The following EIF3B variants were observed in gnomAD, a reference collection of about 807,000 sequenced individuals.
EIF3B encodes the protein eukaryotic translation initiation factor 3 subunit 9.
A neutral mutation model predicts 104.6 loss-of-function variants in EIF3B; 10 were observed. That is an observed-to-expected ratio of 0.10 (90% confidence interval 0.06 to 0.16). The LOEUF is 0.16. Ranked by LOEUF, EIF3B falls within the 10% of genes least tolerant of loss-of-function variation. The pLI is 1.00. For synonymous variants in EIF3B, 542 were observed against 417.2 expected (o/e 1.30, Z -3.65); for missense variants, 1,014 against 1,087.9 (o/e 0.93, Z 0.96).
chr7:2,358,470 GAATA>G (rs1178904985), intron 1 of EIF3B, among the ~76,000 whole-genome samples: 4 of 151,310 alleles, frequency 2.6e-5, no homozygotes, highest in Admixed American at 1.3e-4. Context: ...CAACTTTTGA[GAATA>G]AATACAGTAA....
intron 15 of EIF3B, chr7:2,378,315 T>TC (rs1780781169): frequency 4.4e-6 from 1 of 229,302 alleles, no homozygotes; most frequent in Non-Finnish European, 7.9e-6. Context: ...CAGGCGAGCG[T>TC]TCCTGGGATG....
intron 1 of EIF3B, among the ~76,000 whole-genome samples, chr7:2,358,600 C>T (rs565421744): frequency 6.6e-6 from 1 of 152,286 alleles, no homozygotes; most frequent in South Asian, 2.1e-4. Flanking sequence ...GATCTTGGCT[C>T]ACTGCAACCT....
chr7:2,359,497 C>T (rs1779623243), intron 1 of EIF3B, among the ~76,000 whole-genome samples: 1 of 152,190 alleles, frequency 6.6e-6, no homozygotes, highest in Admixed American at 6.5e-5. Flanking sequence ...AGGGTGGTGG[C>T]CTGGAGAGCA....
rs1021029394 is a variant in EIF3B, at chr7:2,355,220, C to G, written c.299C>G (p.Pro100Arg). 8.0e-6 allele frequency: 12 copies of G among 1,496,310 alleles called. No homozygotes were observed. The African/African-American group carries it at 1.5e-4, about 18-fold the overall frequency. The allele number at this position is 1,496,310 out of a possible 1,614,324, so 92.7% of individuals were successfully genotyped here. ...CTGCCCGGGTCGCATGCTGAGCCCC[C>G]TGTCCCGGCACAGGGCGAGGCCCCA... ...EELPGSHAEP[P>R]VPAQGEAPGE... Residue 100 changes from proline (P) to arginine (R), a missense_variant, in exon 1 of 19, where the codon CCT (proline) becomes CGT (arginine). Physicochemically the swap from Pro to Arg is moderately radical, Grantham distance 103 (BLOSUM62 -2). Coordinates refer to ENST00000360876, the MANE Select transcript of EIF3B (RefSeq NM_001037283.2).
At chr7:2,360,042 C>G (rs1205587998) in intron 1 of EIF3B, among the ~76,000 whole-genome samples, 1 of 152,086 alleles carries the variant, frequency 6.6e-6, no homozygotes, top group African/African-American at 2.4e-5. Flanking sequence ...GGAAGCTCAC[C>G]CCAGACGCGC....
intron 11 of EIF3B, chr7:2,372,335 A>G (rs977220092): frequency 3.8e-6 from 1 of 264,658 alleles, no homozygotes; most frequent in Non-Finnish European, 7.2e-6. Context: ...AGGCAGGGAG[A>G]CCGGAGGTCA....
chr7:2,379,987 T>G (rs1780909526), intron 18 of EIF3B: 1 of 259,068 alleles, frequency 3.9e-6, no homozygotes, highest in Non-Finnish European at 7.7e-6. Flanking sequence ...CATGGGCACA[T>G]GTGGGACAGA....
chr7:2,364,276 T>A (rs116940910), intron 5 of EIF3B, 96 bp from the exon 6 acceptor site: 43,778 of 1,234,690 alleles, frequency 0.035, 1,125 homozygotes, highest in South Asian at 0.058. Context: ...AAAAAAAGTT[T>A]GTAGAACAGA....
chr7:2,378,542 T>C (rs1379372945), intron 15 of EIF3B, 147 bp from the exon 16 acceptor site: 6 of 631,958 alleles, frequency 9.5e-6, no homozygotes, highest in African/African-American at 9.3e-5. Context: ...ACCCTGGGTG[T>C]CATGGAGAAA....
At chr7:2,364,654 A>G (rs1779907624) in intron 6 of EIF3B, 125 bp downstream of exon 6, 17 of 869,658 alleles carry the variant, frequency 2.0e-5, no homozygotes, top group Non-Finnish European at 2.7e-5. Context: ...CAGAACGCTA[A>G]TAAGCTTTTT....
At chr7:2,362,921 C>G (rs1387562603) in intron 3 of EIF3B, 149 bp from the exon 4 acceptor site, 4 of 1,433,654 alleles carry the variant, frequency 2.8e-6, no homozygotes, top group Admixed American at 1.7e-5. Context: ...CTGCCCCACA[C>G]TTCTGGCCTA....
At chr7:2,375,090 G>T in intron 13 of EIF3B, 1 of 433,662 alleles carries the variant, frequency 2.3e-6, no homozygotes, top group South Asian at 3.3e-5. Flanking sequence ...CCCTTTTGTT[G>T]CTGCTCTCCC....
chr7:2,377,087 C>T lies in EIF3B; in HGVS notation c.2154+12C>T, dbSNP rs779039476. On this transcript the variant is annotated intron_variant, in intron 15 of 18. Transcript: ENST00000360876. ...AGGAACAGATCAAGGTCAGCATGCCCCCACCCCCGGGTGCAGGGCACATGG... is the reference window on the plus strand; with the variant it reads ...AGGAACAGATCAAGGTCAGCATGCCTCCACCCCCGGGTGCAGGGCACATGG... The T allele has an allele frequency of 1.2e-6, 2 of 1,600,072 alleles. No homozygotes were observed. The highest frequency in any genetic ancestry group is 8.5e-7 in the Non-Finnish European group (1 of 1,170,012).
intron 2 of EIF3B, among the ~76,000 whole-genome samples, chr7:2,362,132 G>A (rs1481972351): frequency 2.0e-5 from 3 of 151,772 alleles, no homozygotes; most frequent in Non-Finnish European, 4.4e-5. Flanking sequence ...GCTAATTTTT[G>A]TATATTTAGC....
chr7:2,380,076 G>A (rs139360030), intron 18 of EIF3B, 128 bp from the exon 19 acceptor site: 74 of 300,104 alleles, frequency 2.5e-4, no homozygotes, highest in African/African-American at 1.6e-3. Context: ...GGTGGCACAC[G>A]GGCTCAGCTC....
At chr7:2,361,018 C>G (rs1779697818) in intron 2 of EIF3B, 116 bp downstream of exon 2, 2 of 774,220 alleles carry the variant, frequency 2.6e-6, no homozygotes, top group Non-Finnish European at 4.0e-6. Context: ...GTGGGCCGTT[C>G]ACTTCTTCAG....
chr7:2,373,695 T>C (rs1780480545), intron 12 of EIF3B: 1 of 152,158 alleles, frequency 6.6e-6, no homozygotes, highest in South Asian at 2.1e-4. Flanking sequence ...CAGAGACTTG[T>C]GTAAGTCTTC....
At chr7:2,365,517 T>C (rs983358126) in intron 6 of EIF3B, among the ~76,000 whole-genome samples, 1 of 152,172 alleles carries the variant, frequency 6.6e-6, no homozygotes, top group African/African-American at 2.4e-5. Context: ...TTACACACTT[T>C]GTGTGAACTG....
At chr7:2,356,540 T>C (rs1444139772) in intron 1 of EIF3B, among the ~76,000 whole-genome samples, 3 of 150,682 alleles carry the variant, frequency 2.0e-5, no homozygotes, top group Non-Finnish European at 4.4e-5. Context: ...GAGGCGGAGC[T>C]TGCAGTGAGC....
Sources: gnomAD v4.1 joint callset for allele counts (sites outside exome capture counted in the v4.1 genomes callset) on GRCh38, gnomAD v4.1.1 for gene constraint, MANE v1.5 for transcripts, NCBI Gene and HGNC (gene_info 2026-07-23, HGNC 2026-07-21) for gene names.